Variants in TEKT3 observed in about 807,000 individuals in gnomAD.
The protein encoded by TEKT3 is tektin 3, also known as tektin-3.
In TEKT3, 49 loss-of-function variants were observed where a neutral mutation model predicts 49.8. The observed-to-expected ratio is 0.98, with a 90% confidence interval of 0.78 to 1.25. The LOEUF (loss-of-function observed/expected upper bound fraction) is 1.25. Ranked by LOEUF, TEKT3 falls within the 50% of genes most tolerant of loss-of-function variation. The probability of loss-of-function intolerance (pLI) is 0.00; values close to 1 mark genes in which losing one functional copy is unlikely to be tolerated. For synonymous variants in TEKT3, 225 were observed against 237.2 expected (o/e 0.95, Z 0.47); for missense variants, 595 against 629.5 (o/e 0.95, Z 0.59).
intron 2 of TEKT3, among the ~76,000 whole-genome samples, chr17:15,339,372 C>T (rs1462874450): frequency 6.6e-6 from 1 of 152,144 alleles, no homozygotes; most frequent in Non-Finnish European, 1.5e-5. Context: ...TGTGCCCAAA[C>T]AGAATTTTAA....
chr17:15,338,688 T>TC (rs1269279003), intron 2 of TEKT3: 1 of 100,926 alleles, frequency 9.9e-6, no homozygotes, highest in Non-Finnish European at 1.8e-5. Context: ...TTTTTTTTTT[T>TC]TTTTTTTTTT....
chr17:15,334,675 A>C (rs1396237949), intron 2 of TEKT3, among the ~76,000 whole-genome samples: 1 of 152,236 alleles, frequency 6.6e-6, no homozygotes, highest in African/African-American at 2.4e-5. Context: ...ATAGTGGTTT[A>C]CAGATCACAG....
chr17:15,314,098 C>T lies in TEKT3; in HGVS notation c.867G>A (p.Arg289=). 6.2e-7 allele frequency: 1 copy of T among 1,614,170 alleles called. No homozygotes were observed. The change falls in exon 6 of 9, where the codon AGG becomes AGA. Residue 289 remains arginine, a synonymous_variant. Coordinates refer to ENST00000395930, the MANE Select transcript of TEKT3 (RefSeq NM_031898.3). ...TGTGCCTGACTTACGTTGCATCGAC[C>T]CTCTCCACTCCGCGGAAGTAGCCGA... is the stretch of plus-strand genomic sequence containing the variant. ...DGVGYFRGVE[R]VDATVSVPES... is the part of the protein sequence containing the mutation.
chr17:15,334,649 A>G (rs1911910671), intron 2 of TEKT3, among the ~76,000 whole-genome samples: 1 of 152,226 alleles, frequency 6.6e-6, no homozygotes, highest in Admixed American at 6.5e-5. Context: ...AGAATCTGGA[A>G]TCTAAAGCAT....
chr17:15,305,251 G>C lies in TEKT3; in HGVS notation c.1257-1099C>G, dbSNP rs80255445. On this transcript the variant is annotated intron_variant, in intron 8 of 8. Coordinates refer to ENST00000395930, the MANE Select transcript of TEKT3 (RefSeq NM_031898.3). Reference sequence around the variant, plus strand: ...TTGTAGGTGGCCTAAGAAGAGGAAGGCTGTGGTAAAGGCCCCCACGCAGGC... The same window carrying C: ...TTGTAGGTGGCCTAAGAAGAGGAAGCCTGTGGTAAAGGCCCCCACGCAGGC... Among the ~76,000 whole-genome samples the C allele has an allele frequency of 7.6e-3, 1,156 of 152,322 alleles. 73 individuals carry two copies. In the East Asian group the frequency reaches 0.14, roughly 19 times the overall value.
At chr17:15,342,496 C>A (rs895329309), upstream of TEKT3, among the ~76,000 whole-genome samples, 2 of 152,142 alleles carry the variant, frequency 1.3e-5, no homozygotes, top group South Asian at 2.1e-4. Context: ...AAGGACGAGG[C>A]GGAGGGACTT....
chr17:15,309,388 G>A (rs1165095194), intron 7 of TEKT3, among the ~76,000 whole-genome samples: 1 of 152,126 alleles, frequency 6.6e-6, no homozygotes, highest in Non-Finnish European at 1.5e-5. Flanking sequence ...TGGCAGTTTT[G>A]TATTCCTGAT....
In TEKT3 at chr17:15,305,166, C is replaced by A. The variant is rs116118948; in HGVS notation, c.1257-1014G>T. The stretch of plus-strand genomic sequence containing the variant: ...ATCTACTAAGAACAAGACCCAGACC[C>A]AAGGCAATAAAAAGGAAGGAAAGGC... On this transcript the variant is annotated intron_variant, in intron 8 of 8. Coordinates refer to ENST00000395930, the MANE Select transcript of TEKT3 (RefSeq NM_031898.3). Among the ~76,000 whole-genome samples, 791 of 152,260 alleles carry A rather than the reference C, an allele frequency of 5.2e-3. 6 individuals carry two copies. The highest frequency in any genetic ancestry group is 0.018 in the African/African-American group (763 of 41,538).
chr17:15,335,469 T>C (rs1911940665), intron 2 of TEKT3, among the ~76,000 whole-genome samples: 1 of 152,088 alleles, frequency 6.6e-6, no homozygotes. Flanking sequence ...AGGGAGACAC[T>C]AGAGAGGCCA....
chr17:15,307,065 T>G (rs1200509184), intron 8 of TEKT3: 1 of 152,242 alleles, frequency 6.6e-6, no homozygotes, highest in Non-Finnish European at 1.5e-5. Flanking sequence ...ATCCTGGAAA[T>G]GAAGATCATT....
Position 15,331,206 on chromosome 17 carries a change from A to C in TEKT3, c.380T>G (p.Leu127Arg), listed in dbSNP as rs867194633. Residue 127 changes from leucine to arginine, a missense_variant, in exon 3 of 9, where the codon CTG becomes CGG. Coordinates refer to ENST00000395930, the MANE Select transcript of TEKT3 (RefSeq NM_031898.3). ...SEKLRVDTSR[L>R]IQDKYQQTRK... ...TGTTTGTTGATATTTGTCTTGAATC[A>C]GGCGAGATGTATCCACTCTTAGTTT... 6.2e-7 allele frequency: 1 copy of C among 1,614,228 alleles called. No homozygotes were observed. The highest frequency in any genetic ancestry group is 1.3e-5 in the African/African-American group (1 of 75,052).
upstream of TEKT3, among the ~76,000 whole-genome samples, chr17:15,342,071 C>T (rs753791712): frequency 5.9e-5 from 9 of 152,178 alleles, no homozygotes; most frequent in Non-Finnish European, 1.0e-4. Flanking sequence ...TCCTTCCCTG[C>T]TTCCTCACTC....
At chr17:15,310,833 CCTT>C (rs1400322537) in intron 7 of TEKT3, 5 of 152,252 alleles carry the variant, frequency 3.3e-5, no homozygotes, top group Non-Finnish European at 2.9e-5. Context: ...ACCTCATTAA[CCTT>C]CTCATCAACG....
chr17:15,335,576 C>T (rs544580580), intron 2 of TEKT3, among the ~76,000 whole-genome samples: 1 of 152,270 alleles, frequency 6.6e-6, no homozygotes, highest in East Asian at 1.9e-4. Flanking sequence ...TCAAGCTAAT[C>T]CACAAGTAAC....
intron 2 of TEKT3, among the ~76,000 whole-genome samples, chr17:15,334,064 G>A (rs1911890829): frequency 6.6e-6 from 1 of 151,076 alleles, no homozygotes; most frequent in Admixed American, 6.6e-5. Flanking sequence ...CGCCCAGCTG[G>A]TTTATTTTAT....
chr17:15,339,097 G>C (rs1057298215), intron 2 of TEKT3, among the ~76,000 whole-genome samples: 21 of 152,178 alleles, frequency 1.4e-4, no homozygotes, highest in African/African-American at 4.1e-4. Flanking sequence ...CTGACCTCAT[G>C]AATGGAATAA....
chr17:15,330,332 C>G (rs1911669625), intron 3 of TEKT3, among the ~76,000 whole-genome samples: 1 of 152,272 alleles, frequency 6.6e-6, no homozygotes, highest in Non-Finnish European at 1.5e-5. Flanking sequence ...GCACAAATCT[C>G]AAGTCAAATT....
Position 15,314,091 on chromosome 17 carries a change from C to T in TEKT3, c.874G>A (p.Ala292Thr). ...CGTGGCGTGTGCCTGACTTACGTTG[C>T]ATCGACCCTCTCCACTCCGCGGAAG... is the stretch of plus-strand genomic sequence containing the variant. ...GYFRGVERVD[A>T]TVSVPESWAK... Residue 292 changes from alanine to threonine, a missense_variant, in exon 6 of 9, where the codon GCA becomes ACA. Physicochemically the swap from Ala to Thr is moderately conservative, Grantham distance 58 (BLOSUM62 0). Transcript: ENST00000395930. 1 of 1,614,186 alleles carries T rather than the reference C, an allele frequency of 6.2e-7. No homozygotes were observed. The highest frequency in any genetic ancestry group is 8.5e-7 in the Non-Finnish European group (1 of 1,180,032).
chr17:15,340,706 G>A (rs1912190713), intron 1 of TEKT3, among the ~76,000 whole-genome samples: 1 of 152,162 alleles, frequency 6.6e-6, no homozygotes, highest in Non-Finnish European at 1.5e-5. Flanking sequence ...CCTTAATTGT[G>A]CCTGTAATCG....
Sources: gnomAD v4.1 joint callset for allele counts (sites outside exome capture counted in the v4.1 genomes callset) on GRCh38, gnomAD v4.1.1 for gene constraint, MANE v1.5 for transcripts, NCBI Gene and HGNC (gene_info 2026-07-23, HGNC 2026-07-21) for gene names.